The following RAD54L2 variants were observed in gnomAD, a reference collection of about 807,000 sequenced individuals.
The protein encoded by RAD54L2 is helicase ARIP4.
RAD54L2 carries 27 observed loss-of-function variants against 138.4 expected under a neutral mutation model. The observed-to-expected ratio is 0.20, with a 90% CI of 0.14 to 0.27. RAD54L2 has a LOEUF of 0.27. RAD54L2 is among the 10% of genes least tolerant of loss of function. The pLI is 1.00. For missense variants in RAD54L2, 1,396 were observed against 1,890.2 expected, an observed-to-expected ratio of 0.74 and a Z score of 4.85; for synonymous variants, 644 against 723.2, an observed-to-expected ratio of 0.89 and a Z score of 1.76.
chr3:51,604,077 A>G (rs1700130711), intron 3 of RAD54L2, among the ~76,000 whole-genome samples: 1 of 152,310 alleles, frequency 6.6e-6, no homozygotes, highest in Admixed American at 6.5e-5. Context: ...AGTTGGATTC[A>G]GGATATGTTT....
chr3:51,653,186 A>G (rs374773448), intron 19 of RAD54L2, among the ~76,000 whole-genome samples: 2 of 152,254 alleles, frequency 1.3e-5, no homozygotes, highest in East Asian at 1.9e-4. Flanking sequence ...AAAAATGTTC[A>G]TCATCACTGG....
At chr3:51,641,010 C>CT (rs1452609745) in intron 14 of RAD54L2, among the ~76,000 whole-genome samples, 3 of 151,068 alleles carry the variant, frequency 2.0e-5, no homozygotes, top group Non-Finnish European at 1.5e-5. Context: ...TTTTCTTTTT[C>CT]TTTTTTTTTG....
chr3:51,640,725 G>T (rs1701112051), intron 14 of RAD54L2, among the ~76,000 whole-genome samples: 1 of 152,182 alleles, frequency 6.6e-6, no homozygotes, highest in African/African-American at 2.4e-5. Context: ...TGGCTCTCAT[G>T]GTATCTTGGA....
In RAD54L2 at chr3:51,638,109, C is replaced by T; in HGVS notation, c.1683-35C>T. 1 of 1,606,816 alleles carries T rather than the reference C, an allele frequency of 6.2e-7. No homozygotes were observed. The highest frequency in any genetic ancestry group is 8.5e-7 in the Non-Finnish European group (1 of 1,174,418). ...CTTGTGCTGACCCCTCCTGGCCACA[C>T]TACCTTGCCGTTTCTGTTCTGTTTG... On this transcript the variant is annotated intron_variant, in intron 11 of 22. Transcript: ENST00000684192. This position sits in a 1 kb window ranked among gnomAD's most constrained non-coding sequence, Gnocchi z 4.3.
Position 51,662,993 on chromosome 3 carries a change from A to G in RAD54L2, c.3977A>G (p.Tyr1326Cys), listed in dbSNP as rs1466889403. 2.5e-6 allele frequency: 4 copies of G among 1,613,760 alleles called. No individual in the cohort carries two copies. The highest frequency in any genetic ancestry group is 1.3e-5 in the African/African-American group (1 of 74,870). ...NSLFMGSTPS[Y>C]YQLSNLLADA... Reference sequence around the variant, plus strand: ...CTGTTTATGGGCAGTACCCCCTCCTACTACCAGCTGTCCAATTTGCTGGCA... The same window carrying G: ...CTGTTTATGGGCAGTACCCCCTCCTGCTACCAGCTGTCCAATTTGCTGGCA... The change falls in exon 23 of 23, where the codon TAC becomes TGC. Residue 1326 changes from tyrosine to cysteine, a missense_variant. Tyr to Cys is a radical substitution (Grantham distance 194). Transcript: ENST00000684192. The surrounding 1 kb of genome is among the most constrained non-coding windows in gnomAD (Gnocchi z 4.6).
chr3:51,632,244 A>T (rs1008228656), intron 7 of RAD54L2, among the ~76,000 whole-genome samples: 12 of 152,110 alleles, frequency 7.9e-5, no homozygotes, highest in African/African-American at 2.9e-4. Context: ...ACTTGGGTTG[A>T]TTACGTATTT....
rs1482368467 is a variant in RAD54L2 at position 51,663,364 on chromosome 3, A to G, written c.4348A>G (p.Ser1450Gly). Residue 1450 changes from serine to glycine, a missense_variant, in exon 23 of 23, where the codon AGC (serine) becomes GGC (glycine). Physicochemically the swap from Ser to Gly is moderately conservative, Grantham distance 56. Coordinates refer to ENST00000684192, the MANE Select transcript of RAD54L2 (RefSeq NM_015106.4). ...DSHEVAEVGF[S>G]SNDDEDKDDD... ...TCATGAGGTTGCCGAGGTTGGGTTC[A>G]GCTCCAATGATGATGAGGATAAAGA... 1 of 1,613,870 alleles carries G rather than the reference A, an allele frequency of 6.2e-7. No individual in the cohort carries two copies. Among genetic ancestry groups the G allele is most frequent in the South Asian group, 1.1e-5 (1 of 91,078 alleles).
In RAD54L2 at chr3:51,662,154, C is replaced by T. The variant is rs893769507; in HGVS notation, c.3410-272C>T. Among the ~76,000 whole-genome samples the T allele has an allele frequency of 2.0e-5, 3 of 152,070 alleles. No homozygotes were observed. The highest frequency in any genetic ancestry group is 4.4e-5 in the Non-Finnish European group (3 of 68,018). Reference sequence around the variant, plus strand: ...AGAATGATCTCTTAGTGTTTCATATCCCTTATCTCGTAGGATTCATTTTGG... The same window carrying T: ...AGAATGATCTCTTAGTGTTTCATATTCCTTATCTCGTAGGATTCATTTTGG... On this transcript the variant is annotated intron_variant, in intron 22 of 22. Transcript: ENST00000684192. This position sits in a 1 kb window ranked among gnomAD's most constrained non-coding sequence, Gnocchi z 4.6.
At chr3:51,556,165 G>T (rs1383166988) in intron 2 of RAD54L2, among the ~76,000 whole-genome samples, 1 of 152,112 alleles carries the variant, frequency 6.6e-6, no homozygotes, top group Non-Finnish European at 1.5e-5. Flanking sequence ...TAACTGCTTA[G>T]CTCTGTGCCT....
At chr3:51,650,183 CAAAG>C (rs747738200) in intron 19 of RAD54L2, among the ~76,000 whole-genome samples, 1 of 152,080 alleles carries the variant, frequency 6.6e-6, no homozygotes, top group Non-Finnish European at 1.5e-5. Flanking sequence ...TCAAAGGAGA[CAAAG>C]AAGGCCATTA....
intron 21 of RAD54L2, among the ~76,000 whole-genome samples, chr3:51,658,913 G>GA (rs146687750): frequency 4.0e-5 from 6 of 149,988 alleles, no homozygotes; most frequent in East Asian, 1.9e-4. Flanking sequence ...CAATTGGTTG[G>GA]AAAAAAAAAT....
chr3:51,550,155 C>A (rs746861992), intron 2 of RAD54L2, among the ~76,000 whole-genome samples: 1 of 152,098 alleles, frequency 6.6e-6, no homozygotes, highest in Non-Finnish European at 1.5e-5. Context: ...TTGAGCTGAT[C>A]GCTCTCTGCC....
rs1701255161 is a variant in RAD54L2 at position 51,645,456 on chromosome 3, A to G, written c.2657-135A>G. Reference sequence around the variant, plus strand: ...AGCTCGTTATACAAGTTTTCCCCTTATATGATGTTTCCAGTGTCACCAGCA... The same window carrying G: ...AGCTCGTTATACAAGTTTTCCCCTTGTATGATGTTTCCAGTGTCACCAGCA... On this transcript the variant is annotated intron_variant, in intron 17 of 22. Coordinates refer to ENST00000684192, the MANE Select transcript of RAD54L2 (RefSeq NM_015106.4). This position sits in a 1 kb window ranked among gnomAD's most constrained non-coding sequence, Gnocchi z 6.1. The G allele has an allele frequency of 9.7e-7, 1 of 1,030,276 alleles. No individual in the cohort carries two copies. The highest frequency in any genetic ancestry group is 1.4e-6 in the Non-Finnish European group (1 of 716,620). The allele number at this position is 1,030,276 out of a possible 1,614,324, so 63.8% of individuals were successfully genotyped here.
rs79892637 is a variant in RAD54L2 at position 51,547,376 on chromosome 3, A to C, written c.-55+5726A>C. Among the ~76,000 whole-genome samples the C allele has an allele frequency of 9.2e-4, 133 of 144,078 alleles. 1 individual carries two copies. Among genetic ancestry groups the C allele is most frequent in the Admixed American group, 2.2e-3 (32 of 14,246 alleles). 94.5% of individuals were successfully genotyped at this position (144,078 alleles called of 152,430 possible). A position where few individuals can be genotyped will look rare whatever the true frequency, so the allele number is the denominator to read the frequency against. ...GGGCGACAGAGTAAGACTCTGCCTC[A>C]AAAAAAAAAAAGGAAGATGTTATAA... On this transcript the variant is annotated intron_variant, in intron 2 of 22. Coordinates refer to ENST00000684192, the MANE Select transcript of RAD54L2 (RefSeq NM_015106.4).
intron 3 of RAD54L2, among the ~76,000 whole-genome samples, chr3:51,603,515 G>C (rs963389125): frequency 2.6e-5 from 4 of 152,014 alleles, no homozygotes; most frequent in African/African-American, 9.7e-5. Context: ...ACTGAGGCGG[G>C]AGAATTGCTT....
chr3:51,612,947 A>G (rs531706088), intron 3 of RAD54L2, among the ~76,000 whole-genome samples: 1 of 151,866 alleles, frequency 6.6e-6, no homozygotes, highest in African/African-American at 2.4e-5. Flanking sequence ...TATTTTATTT[A>G]TTTATTTTTT....
chr3:51,613,280 C>T (rs1336185732), intron 3 of RAD54L2, among the ~76,000 whole-genome samples: 1 of 152,026 alleles, frequency 6.6e-6, no homozygotes, highest in Non-Finnish European at 1.5e-5. Flanking sequence ...AGAAATTTAA[C>T]TAGAATCCTT....
At chr3:51,589,109 C>CAATG (rs1699779157) in intron 2 of RAD54L2, among the ~76,000 whole-genome samples, 1 of 152,182 alleles carries the variant, frequency 6.6e-6, no homozygotes. Flanking sequence ...CCTCCATGTA[C>CAATG]AATGGGGTTA....
intron 15 of RAD54L2, among the ~76,000 whole-genome samples, chr3:51,642,389 A>C (rs1351114088): frequency 6.6e-6 from 1 of 151,048 alleles, no homozygotes; most frequent in Non-Finnish European, 1.5e-5. Context: ...TGTGTAAGTC[A>C]AGTACATACA....
Sources: allele counts gnomAD v4.1 joint callset (sites outside exome capture counted in the v4.1 genomes callset), GRCh38; gene constraint gnomAD v4.1.1; non-coding constraint Gnocchi (gnomAD v3.1); transcripts MANE v1.5; gene names NCBI Gene and HGNC (gene_info 2026-07-23, HGNC 2026-07-21).